MYO3B: variants seen among roughly 807,000 people sequenced by gnomAD.
MYO3B encodes the protein myosin IIIB.
In MYO3B, 156 loss-of-function variants were observed where a neutral mutation model predicts 174.6. The observed-to-expected ratio is 0.89, with a 90% confidence interval of 0.78 to 1.02. MYO3B has a LOEUF of 1.02. Ranked by LOEUF, MYO3B falls within the 50% of genes least tolerant of loss-of-function variation. The probability of loss-of-function intolerance (pLI) is 0.00; values close to 1 mark genes in which losing one functional copy is unlikely to be tolerated. For synonymous variants in MYO3B, 563 were observed against 569.1 expected, an observed-to-expected ratio of 0.99 and a Z score of 0.15; for missense variants, 1,632 against 1,639.4, an observed-to-expected ratio of 1.00 and a Z score of 0.08.
At chr2:170,607,459 T>C (rs1402822017) in intron 32 of MYO3B, among the ~76,000 whole-genome samples, 1 of 152,242 alleles carries the variant, frequency 6.6e-6, no homozygotes, top group Non-Finnish European at 1.5e-5. Flanking sequence ...GGCAGAGACT[T>C]GGCAAACCAC....
chr2:170,358,886 A>T (rs1188116066), intron 8 of MYO3B, among the ~76,000 whole-genome samples: 1 of 152,192 alleles, frequency 6.6e-6, no homozygotes, highest in Non-Finnish European at 1.5e-5. Context: ...GCCTGTGCAC[A>T]TAAAAGCTAT....
chr2:170,401,474 G>A lies in MYO3B; in HGVS notation c.1919-7G>A, dbSNP rs1216019206. The A allele has an allele frequency of 5.6e-6, 9 of 1,613,676 alleles. No homozygotes were observed. The Admixed American group carries it at 1.5e-4, about 27-fold the overall frequency. On this transcript the variant is annotated splice_polypyrimidine_tract_variant and splice_region_variant and intron_variant, in intron 17 of 34. Coordinates refer to ENST00000408978, the MANE Select transcript of MYO3B (RefSeq NM_138995.5). The stretch of plus-strand genomic sequence containing the variant: ...ACATTCTGTGTTATCCTTACTCTTT[G>A]TTTCAGCTGCCTCTGTTCTGTGCAT...
intron 32 of MYO3B, among the ~76,000 whole-genome samples, chr2:170,644,308 T>A (rs1698208052): frequency 6.6e-6 from 1 of 151,854 alleles, no homozygotes; most frequent in Non-Finnish European, 1.5e-5. Context: ...TTTTTTGAGA[T>A]GAAGTCTCAC....
intron 9 of MYO3B, among the ~76,000 whole-genome samples, chr2:170,371,678 C>T (rs2094245861): frequency 7.7e-6 from 1 of 129,492 alleles, no homozygotes. Flanking sequence ...TGTGGTTTTT[C>T]AAGTTAAAGC....
intron 25 of MYO3B, among the ~76,000 whole-genome samples, chr2:170,487,308 C>T (rs1575060210): frequency 6.6e-6 from 1 of 152,190 alleles, no homozygotes; most frequent in African/African-American, 2.4e-5. Flanking sequence ...TTATTCTTAT[C>T]CTTATCCAAA....
At chr2:170,208,838 C>G (rs936280914) in intron 3 of MYO3B, among the ~76,000 whole-genome samples, 22 of 152,130 alleles carry the variant, frequency 1.4e-4, no homozygotes, top group Non-Finnish European at 2.9e-5. Context: ...TCTACATAGG[C>G]CTTTTAGATT....
At chr2:170,386,991 TG>T in intron 13 of MYO3B, 114 bp from the exon 14 acceptor site, 1 of 939,842 alleles carries the variant, frequency 1.1e-6, no homozygotes, top group South Asian at 1.6e-5. Flanking sequence ...GTCCCCCAAA[TG>T]GGGCTCTTTG....
intron 25 of MYO3B, among the ~76,000 whole-genome samples, chr2:170,477,442 A>C (rs544977592): frequency 1.9e-4 from 29 of 152,066 alleles, no homozygotes; most frequent in Non-Finnish European, 3.5e-4. Context: ...ACAGGGATGG[A>C]GTGGACTTTA....
intron 32 of MYO3B, among the ~76,000 whole-genome samples, chr2:170,592,942 C>CTA (rs141915191): frequency 6.6e-6 from 1 of 151,352 alleles, no homozygotes; most frequent in Non-Finnish European, 1.5e-5. Flanking sequence ...ATATCTAGAT[C>CTA]TATATATAGA....
intron 32 of MYO3B, among the ~76,000 whole-genome samples, chr2:170,600,314 G>C (rs889695894): frequency 6.6e-6 from 1 of 151,986 alleles, no homozygotes; most frequent in African/African-American, 2.4e-5. Flanking sequence ...TTAGAATACT[G>C]GCACTTCAAG....
chr2:170,320,292 C>T (rs1030998597), intron 7 of MYO3B, among the ~76,000 whole-genome samples: 3 of 152,152 alleles, frequency 2.0e-5, no homozygotes, highest in Non-Finnish European at 4.4e-5. Flanking sequence ...AGCGATCTTC[C>T]CACCCCAGTT....
At position 170,580,718 on chromosome 2, in the gene MYO3B, A is replaced by ATATGTGTGTG. The variant is rs768974458; in HGVS notation, c.3733+36731_3733+36732insATGTGTGTGT. 7.1e-3 allele frequency among the ~76,000 whole-genome samples: 1,017 copies of ATATGTGTGTG among 142,748 alleles called. 18 individuals carry two copies. The highest frequency in any genetic ancestry group is 0.025 in the African/African-American group (938 of 38,226). 93.6% of individuals were successfully genotyped at this position (142,748 alleles called of 152,430 possible). A position where few individuals can be genotyped will look rare whatever the true frequency, so the allele number is the denominator to read the frequency against. ...CTTCAGGTCCCACAAAACCTTATAT[A>ATATGTGTGTG]TGTGTGTGTGTGTGTGTGTGTGTGT... On this transcript the variant is annotated intron_variant, in intron 32 of 34. Coordinates refer to ENST00000408978, the MANE Select transcript of MYO3B (RefSeq NM_138995.5).
At chr2:170,351,817 G>C (rs1181624509) in intron 8 of MYO3B, among the ~76,000 whole-genome samples, 1 of 152,206 alleles carries the variant, frequency 6.6e-6, no homozygotes, top group African/African-American at 2.4e-5. Flanking sequence ...AAGGATTAAT[G>C]TAGATAACTA....
Position 170,414,605 on chromosome 2 carries a change from A to G in MYO3B, c.2650+6761A>G, listed in dbSNP as rs1447866056. On this transcript the variant is annotated intron_variant, in intron 22 of 34. Transcript: ENST00000408978. ...TATAAATTTTAAATGCAGCTTGTCT[A>G]TATCTATAAAAAGTCCTGCTGGGAT... is the stretch of plus-strand genomic sequence containing the variant. Among the ~76,000 whole-genome samples the G allele has an allele frequency of 1.1e-4, 17 of 152,364 alleles. No individual in the cohort carries two copies. In the East Asian group the frequency reaches 2.9e-3, roughly 26 times the overall value.
chr2:170,585,927 G>A (rs370523722), intron 32 of MYO3B, among the ~76,000 whole-genome samples: 29 of 152,072 alleles, frequency 1.9e-4, no homozygotes, highest in African/African-American at 2.9e-4. Flanking sequence ...GCATGGTGGC[G>A]CGTGCCTGTA....
chr2:170,470,974 TTC>T (rs920278995), intron 25 of MYO3B, among the ~76,000 whole-genome samples: 3 of 151,810 alleles, frequency 2.0e-5, no homozygotes, highest in African/African-American at 7.2e-5. Flanking sequence ...TGCAAATATT[TTC>T]TCTCTCTCTC....
intron 7 of MYO3B, 75 bp from the exon 8 acceptor site, chr2:170,335,286 TATTAGAGCTATTTAGAATGATATC>T (rs2093939535): frequency 1.1e-6 from 1 of 902,558 alleles, no homozygotes; most frequent in Non-Finnish European, 1.7e-6. Context: ...AAACAGATTT[TATTAGAGCTATTTAGAATGATATC>T]AATAAAAACA....
intron 32 of MYO3B, among the ~76,000 whole-genome samples, chr2:170,635,986 C>T (rs1444963333): frequency 6.6e-6 from 1 of 152,206 alleles, no homozygotes; most frequent in Non-Finnish European, 1.5e-5. Flanking sequence ...CTTAGATGAT[C>T]AGCTTGAACA....
intron 7 of MYO3B, among the ~76,000 whole-genome samples, chr2:170,309,609 C>G (rs996764174): frequency 6.6e-6 from 1 of 152,146 alleles, no homozygotes; most frequent in South Asian, 2.1e-4. Context: ...GACTGGCATG[C>G]GTGTGCTCAC....
Sources: allele counts gnomAD v4.1 joint callset (sites outside exome capture counted in the v4.1 genomes callset), GRCh38; gene constraint gnomAD v4.1.1; transcripts MANE v1.5; gene names NCBI Gene and HGNC (gene_info 2026-07-23, HGNC 2026-07-21).